ZDHHC14: variants seen among roughly 807,000 people sequenced by gnomAD.
ZDHHC14 encodes palmitoyltransferase ZDHHC14.
ZDHHC14 carries 16 observed loss-of-function variants against 47.7 expected under a neutral mutation model. The observed-to-expected ratio is 0.34, with a 90% confidence interval of 0.23 to 0.51. The LOEUF (loss-of-function observed/expected upper bound fraction) is 0.51. Ranked by LOEUF, ZDHHC14 falls within the 20% of genes least tolerant of loss-of-function variation. The probability of loss-of-function intolerance (pLI) is 0.97; values close to 1 mark genes in which losing one functional copy is unlikely to be tolerated. For missense variants in ZDHHC14, 515 were observed against 662.5 expected (o/e 0.78, Z 2.44); for synonymous variants, 293 against 278.9 (o/e 1.05, Z -0.50).
rs144256890 is a variant in ZDHHC14 at position 157,546,482 on chromosome 6, G to A, written c.406+3737G>A. Among the ~76,000 whole-genome samples, 1,262 of 152,274 alleles carry A rather than the reference G, an allele frequency of 8.3e-3. 11 individuals are homozygous for A. The highest frequency in any genetic ancestry group is 0.027 in the African/African-American group (1,113 of 41,536). ...TGTCTTCAAACTTCTGAGAGGAGTA[G>A]GTGGGGAGGAGGAGGGCTCTGGGCT... On this transcript the variant is annotated intron_variant, in intron 2 of 8. Transcript: ENST00000359775.
chr6:157,515,457 C>CTTTTTTTTTTTTTTTTT (rs1187323622), intron 1 of ZDHHC14, among the ~76,000 whole-genome samples: 10 of 129,444 alleles, frequency 7.7e-5, no homozygotes, highest in Non-Finnish European at 1.2e-4. Context: ...TTTTCTTTTT[C>CTTTTTTTTTTTTTTTTT]TTTTTTTTTT....
intron 3 of ZDHHC14, among the ~76,000 whole-genome samples, chr6:157,619,691 G>A (rs1785108225): frequency 6.7e-6 from 1 of 149,140 alleles, no homozygotes; most frequent in African/African-American, 2.5e-5. Context: ...GTTTTACACT[G>A]AAATGTTTTA....
intron 1 of ZDHHC14, among the ~76,000 whole-genome samples, chr6:157,532,769 A>T (rs942790105): frequency 6.6e-6 from 1 of 152,224 alleles, no homozygotes. Context: ...GTATTGTAAG[A>T]CAACTTGCAA....
At chr6:157,447,256 C>G (rs1778694681) in intron 1 of ZDHHC14, among the ~76,000 whole-genome samples, 1 of 152,240 alleles carries the variant, frequency 6.6e-6, no homozygotes, top group Non-Finnish European at 1.5e-5. Context: ...CTGTTCTGGG[C>G]TTGGAGGGCC....
intron 2 of ZDHHC14, among the ~76,000 whole-genome samples, chr6:157,554,291 C>G (rs1331524744): frequency 6.6e-6 from 1 of 152,198 alleles, no homozygotes. Flanking sequence ...CTTCACCAAA[C>G]CCAAATATAA....
intron 1 of ZDHHC14, among the ~76,000 whole-genome samples, chr6:157,429,148 G>A (rs1345449880): frequency 6.6e-6 from 1 of 152,166 alleles, no homozygotes; most frequent in East Asian, 1.9e-4. Context: ...CAGGCTCCAT[G>A]GATCTGTGCA....
At chr6:157,522,942 T>TTTCTTTCTTTCTTTCTTTCTTTCC (rs1487967366) in intron 1 of ZDHHC14, among the ~76,000 whole-genome samples, 4 of 48,196 alleles carry the variant, frequency 8.3e-5, no homozygotes, top group African/African-American at 5.7e-4. Context: ...TCTTTCTTTC[T>TTTCTTTCTTTCTTTCTTTCTTTCC]TTCCTTCCTT....
At position 157,410,153 on chromosome 6, in the gene ZDHHC14, A is replaced by T. The variant is rs143392239; in HGVS notation, c.245+27887A>T. ...GACGCTCACAGGCCAGCTTCTCAGC[A>T]CTTCCCAGACTGTCCTTTCCTTGTG... On this transcript the variant is annotated intron_variant, in intron 1 of 8. Transcript: ENST00000359775. Among the ~76,000 whole-genome samples the T allele has an allele frequency of 5.9e-5, 9 of 152,284 alleles. No individual in the cohort carries two copies. In the East Asian group the frequency reaches 7.7e-4, roughly 13 times the overall value.
chr6:157,492,706 C>G (rs762713426), intron 1 of ZDHHC14, among the ~76,000 whole-genome samples: 2 of 152,176 alleles, frequency 1.3e-5, no homozygotes, highest in Non-Finnish European at 2.9e-5. Flanking sequence ...ATGAAGAAAT[C>G]ACTTTACCAT....
chr6:157,391,768 G>C (rs1777423183), intron 1 of ZDHHC14, among the ~76,000 whole-genome samples: 1 of 152,168 alleles, frequency 6.6e-6, no homozygotes, highest in African/African-American at 2.4e-5. Flanking sequence ...CTCCCTGACA[G>C]ATTTTTTTCA....
chr6:157,609,861 A>G (rs781184129), intron 3 of ZDHHC14, among the ~76,000 whole-genome samples: 1 of 152,206 alleles, frequency 6.6e-6, no homozygotes, highest in Admixed American at 6.5e-5. Context: ...AAGCAGTGGG[A>G]CCCAGAGGCA....
chr6:157,549,845 C>T (rs151228989), intron 2 of ZDHHC14, among the ~76,000 whole-genome samples: 502 of 152,304 alleles, frequency 3.3e-3, no homozygotes, highest in African/African-American at 0.011. Context: ...ATTTATTCTT[C>T]CTATGGAAAT....
intron 1 of ZDHHC14, among the ~76,000 whole-genome samples, chr6:157,513,721 G>A (rs987773541): frequency 2.0e-5 from 3 of 152,046 alleles, no homozygotes; most frequent in Non-Finnish European, 2.9e-5. Context: ...GATTGTCACC[G>A]CTTTTATTTT....
At chr6:157,672,689 C>T (rs763370450) in intron 8 of ZDHHC14, 35 bp from the exon 9 acceptor site, 1 of 1,484,474 alleles carries the variant, frequency 6.7e-7, no homozygotes, top group East Asian at 2.9e-5. Flanking sequence ...CCCCTCCTCT[C>T]CACCTTCTCT....
intron 3 of ZDHHC14, among the ~76,000 whole-genome samples, chr6:157,618,880 A>G (rs1323575053): frequency 3.3e-5 from 5 of 152,066 alleles, no homozygotes; most frequent in African/African-American, 9.7e-5. Context: ...CCTCATTTCT[A>G]CTCACTTGTT....
At chr6:157,467,430 G>A (rs1779245471) in intron 1 of ZDHHC14, among the ~76,000 whole-genome samples, 1 of 152,026 alleles carries the variant, frequency 6.6e-6, no homozygotes, top group African/African-American at 2.4e-5. Flanking sequence ...GTATTATGTG[G>A]CCTTTTGTGC....
intron 3 of ZDHHC14, among the ~76,000 whole-genome samples, chr6:157,612,416 C>T (rs1372812177): frequency 1.3e-5 from 2 of 152,204 alleles, no homozygotes; most frequent in Non-Finnish European, 2.9e-5. Flanking sequence ...TCTCGGCTTG[C>T]ACCGTAGTCC....
intron 1 of ZDHHC14, among the ~76,000 whole-genome samples, chr6:157,485,731 C>G (rs1554260751): frequency 6.6e-6 from 1 of 150,740 alleles, no homozygotes; most frequent in Non-Finnish European, 1.5e-5. Context: ...GCTTCTAAGG[C>G]CGGGTGCAGT....
chr6:157,585,162 G>A (rs901974772), intron 2 of ZDHHC14, among the ~76,000 whole-genome samples: 55 of 151,992 alleles, frequency 3.6e-4, no homozygotes, highest in Admixed American at 8.5e-4. Flanking sequence ...AGCCGAGATC[G>A]CGCCATTGCA....
Sources: gnomAD v4.1 joint callset for allele counts (sites outside exome capture counted in the v4.1 genomes callset) on GRCh38, gnomAD v4.1.1 for gene constraint, MANE v1.5 for transcripts, NCBI Gene and HGNC (gene_info 2026-07-23, HGNC 2026-07-21) for gene names.